VWA5B1: variants seen among roughly 807,000 people sequenced by gnomAD.
VWA5B1 encodes von Willebrand factor A domain-containing protein 5B1.
A neutral mutation model predicts 118.2 loss-of-function variants in VWA5B1; 115 were observed. The ratio of observed to expected loss-of-function variants is 0.97; its 90% CI spans 0.84 to 1.14. VWA5B1 has a LOEUF of 1.14. VWA5B1 is among the 50% of genes most tolerant of loss of function. The probability of loss-of-function intolerance (pLI) is 0.00; values close to 1 mark genes in which losing one functional copy is unlikely to be tolerated. For synonymous variants in VWA5B1, 682 were observed against 658.4 expected (o/e 1.04, Z -0.55); for missense variants, 1,596 against 1,603.8 (o/e 1.00, Z 0.08).
rs2090262343 is a variant in VWA5B1, at chr1:20,358,172, C to G, written c.*3909C>G. ...ATGGCATCCCCTAGCCTTCACTGAC[C>G]TGAGCTGCCACTCACTGCCACTTGC... On this transcript the variant is annotated 3_prime_UTR_variant, in exon 22 of 22. Transcript: ENST00000289815. Among the ~76,000 whole-genome samples, 1 of 152,326 alleles carries G rather than the reference C, an allele frequency of 6.6e-6. No individual in the cohort carries two copies. The highest frequency in any genetic ancestry group is 1.9e-4 in the East Asian group (1 of 5,180).
At chr1:20,324,664 C>G (rs2089323817) in intron 8 of VWA5B1, among the ~76,000 whole-genome samples, 1 of 152,122 alleles carries the variant, frequency 6.6e-6, no homozygotes, top group African/African-American at 2.4e-5. Flanking sequence ...ATCTTTCCCC[C>G]TAGTTTGTTC....
In VWA5B1 at chr1:20,330,167, T is replaced by A. The variant is rs2089503874; in HGVS notation, c.1255-13T>A. ...CCATACGGTGACACTGGGGACTGTC[T>A]GCTTCTCTGCAGGACAGCTTGGCCA... On this transcript the variant is annotated splice_polypyrimidine_tract_variant and intron_variant, in intron 9 of 21. Transcript: ENST00000289815. 2.6e-6 allele frequency: 4 copies of A among 1,551,632 alleles called. No individual in the cohort carries two copies. In the African/African-American group the frequency reaches 5.5e-5, roughly 21 times the overall value.
chr1:20,343,050 G>A (rs956322301), intron 15 of VWA5B1, 29 bp from the exon 16 acceptor site: 3 of 1,487,000 alleles, frequency 2.0e-6, no homozygotes, highest in African/African-American at 1.4e-5. Context: ...CCAGGTCAGC[G>A]CTTGGCCCAC....
At chr1:20,311,240 T>C (rs956295393) in intron 2 of VWA5B1, among the ~76,000 whole-genome samples, 4 of 152,202 alleles carry the variant, frequency 2.6e-5, no homozygotes, top group African/African-American at 4.8e-5. Flanking sequence ...CCCGAAGTAC[T>C]GGGATTACAG....
chr1:20,301,805 G>C (rs769385471), intron 1 of VWA5B1, among the ~76,000 whole-genome samples: 2 of 152,186 alleles, frequency 1.3e-5, no homozygotes, highest in African/African-American at 2.4e-5. Context: ...AGAAAGGTGG[G>C]TGTACACTGA....
At chr1:20,313,537 C>G (rs1050095156) in intron 3 of VWA5B1, among the ~76,000 whole-genome samples, 1 of 152,226 alleles carries the variant, frequency 6.6e-6, no homozygotes, top group African/African-American at 2.4e-5. Flanking sequence ...GGGAGAGCAA[C>G]TGGCTCAAGG....
chr1:20,341,870 T>C (rs1429783813), intron 14 of VWA5B1, among the ~76,000 whole-genome samples: 14 of 152,168 alleles, frequency 9.2e-5, no homozygotes, highest in Admixed American at 9.2e-4. Flanking sequence ...TGGATTCAAA[T>C]GGAAAAACTG....
chr1:20,333,365 T>C (rs1316018857), intron 12 of VWA5B1, among the ~76,000 whole-genome samples: 1 of 152,202 alleles, frequency 6.6e-6, no homozygotes, highest in Non-Finnish European at 1.5e-5. Flanking sequence ...TAATCCCAGC[T>C]ACTCAGGAGG....
intron 7 of VWA5B1, among the ~76,000 whole-genome samples, chr1:20,320,189 G>A (rs2089163934): frequency 6.6e-6 from 1 of 152,192 alleles, no homozygotes; most frequent in Non-Finnish European, 1.5e-5. Context: ...CTTTTTAGAT[G>A]AGAAAACTGA....
intron 6 of VWA5B1, 113 bp from the exon 7 acceptor site, chr1:20,319,269 G>A (rs895488141): frequency 2.8e-5 from 41 of 1,440,118 alleles, no homozygotes; most frequent in African/African-American, 1.4e-4. Flanking sequence ...CTTCCACCCC[G>A]CTTCCAAATG....
At chr1:20,343,532 A>T in intron 16 of VWA5B1, 139 bp downstream of exon 16, 1 of 1,319,574 alleles carries the variant, frequency 7.6e-7, no homozygotes, top group Non-Finnish European at 9.7e-7. Flanking sequence ...CCCGGGTCCT[A>T]CCCCACCCCC....
intron 1 of VWA5B1, among the ~76,000 whole-genome samples, chr1:20,291,457 T>G (rs1014199989): frequency 8.0e-6 from 1 of 124,572 alleles, no homozygotes; most frequent in Non-Finnish European, 1.6e-5. Flanking sequence ...GTTTGCTTTC[T>G]GTGTCTGTTT....
chr1:20,330,958 TG>T lies in VWA5B1; in HGVS notation c.1549del (p.Glu517ArgfsTer13). ...SVSEGSAELLMEGERLQPKMV... is the reference protein window; with the variant it reads ...SVSEGSAELLXEGERLQPKMV... ...TCCGAGGGCAGTGCTGAGCTCCTGA[TG>T]GAGGGGGAGCGGCTGCAACCCAAGG... On this transcript the variant is annotated frameshift_variant, in exon 11 of 22. Coordinates refer to ENST00000289815, the MANE Select transcript of VWA5B1 (RefSeq NM_001039500.3). LOFTEE classifies it high-confidence loss of function. 6.4e-7 allele frequency: 1 copy of T among 1,550,724 alleles called. No individual in the cohort carries two copies.
intron 1 of VWA5B1, among the ~76,000 whole-genome samples, chr1:20,299,382 C>T (rs1196215814): frequency 6.6e-6 from 1 of 152,044 alleles, no homozygotes; most frequent in Non-Finnish European, 1.5e-5. Flanking sequence ...CCCTCGTGCT[C>T]CAGTTTTGGT....
chr1:20,295,987 T>A (rs1350591569), intron 1 of VWA5B1, among the ~76,000 whole-genome samples: 1 of 152,148 alleles, frequency 6.6e-6, no homozygotes, highest in African/African-American at 2.4e-5. Context: ...CTCAGCCTCC[T>A]GAGTAGCTGG....
At position 20,354,509 on chromosome 1, in the gene VWA5B1, G is replaced by A. The variant is rs186291246; in HGVS notation, c.*246G>A. On this transcript the variant is annotated 3_prime_UTR_variant, in exon 22 of 22. Transcript: ENST00000289815. ...TTCCTCATCTATAAAATAAGAGGGCGAGATGAAGGAGGTGGAGTGGATCTC... is the reference window on the plus strand; with the variant it reads ...TTCCTCATCTATAAAATAAGAGGGCAAGATGAAGGAGGTGGAGTGGATCTC... 1.4e-4 allele frequency: 75 copies of A among 543,792 alleles called. No individual in the cohort carries two copies. The highest frequency in any genetic ancestry group is 8.6e-4 in the Admixed American group (25 of 29,012). The allele number at this position is 543,792 out of a possible 1,614,324, so 33.7% of individuals were successfully genotyped here.
intron 1 of VWA5B1, among the ~76,000 whole-genome samples, chr1:20,304,820 A>G (rs34946131): frequency 0.019 from 2,898 of 152,182 alleles, 49 homozygotes; most frequent in Non-Finnish European, 0.032. Context: ...CTCTTAGGTC[A>G]TTGTTTACTG....
At chr1:20,324,225 C>T (rs997277448) in intron 8 of VWA5B1, among the ~76,000 whole-genome samples, 1 of 152,190 alleles carries the variant, frequency 6.6e-6, no homozygotes, top group Non-Finnish European at 1.5e-5. Context: ...CCTCAAGGAG[C>T]TGACAGTCAA....
intron 11 of VWA5B1, 34 bp downstream of exon 11, chr1:20,331,017 G>T (rs2089538209): frequency 6.7e-7 from 1 of 1,502,562 alleles, no homozygotes; most frequent in African/African-American, 1.4e-5. Context: ...CCCTTCTGGT[G>T]CTGGAACCTC....
Sources: gnomAD v4.1 joint callset for allele counts (sites outside exome capture counted in the v4.1 genomes callset) on GRCh38, gnomAD v4.1.1 for gene constraint, MANE v1.5 for transcripts, NCBI Gene and HGNC (gene_info 2026-07-23, HGNC 2026-07-21) for gene names.